Variants in CELF4 observed in about 807,000 individuals in gnomAD.
CELF4 encodes the protein CUGBP Elav-like family member 4.
Under a neutral mutation model 59.9 loss-of-function variants are expected in CELF4, and 18 were observed. The observed-to-expected ratio is 0.30, with a 90% CI of 0.21 to 0.45. The LOEUF (loss-of-function observed/expected upper bound fraction) is 0.45, where lower values mean the gene tolerates loss of function less well. Ranked by LOEUF, CELF4 falls within the 20% of genes least tolerant of loss-of-function variation. The pLI, the probability that CELF4 is intolerant of heterozygous loss-of-function variation, is 1.00. For missense variants in CELF4, 456 were observed against 689.0 expected (o/e 0.66, Z 3.79); for synonymous variants, 261 against 267.1 (o/e 0.98, Z 0.22).
intron 3 of CELF4, among the ~76,000 whole-genome samples, chr18:37,315,366 C>G (rs1296152487): frequency 6.6e-6 from 1 of 152,070 alleles, no homozygotes; most frequent in African/African-American, 2.4e-5. Flanking sequence ...CCTCAAGTCC[C>G]CTCTTTCCCA....
At chr18:37,535,576 G>T (rs1474582695) in intron 1 of CELF4, among the ~76,000 whole-genome samples, 2 of 152,146 alleles carry the variant, frequency 1.3e-5, no homozygotes, top group Non-Finnish European at 2.9e-5. Flanking sequence ...CATGGTACAC[G>T]CTCCCCTGTG....
chr18:37,424,208 G>C (rs917237705), intron 2 of CELF4, among the ~76,000 whole-genome samples: 1 of 152,180 alleles, frequency 6.6e-6, no homozygotes, highest in African/African-American at 2.4e-5. Flanking sequence ...AGGAACGAGA[G>C]GCTCTTGACT....
At chr18:37,495,102 C>A (rs1474440095) in intron 1 of CELF4, among the ~76,000 whole-genome samples, 1 of 152,202 alleles carries the variant, frequency 6.6e-6, no homozygotes, top group Non-Finnish European at 1.5e-5. Flanking sequence ...AAATTCTTTG[C>A]TAGAACCTAG....
At chr18:37,423,833 A>T (rs1203288759) in intron 2 of CELF4, among the ~76,000 whole-genome samples, 1 of 152,022 alleles carries the variant, frequency 6.6e-6, no homozygotes, top group Non-Finnish European at 1.5e-5. Context: ...AGAGGCTCAC[A>T]GATCTTTGAC....
At chr18:37,256,699 C>T (rs1401906460) in intron 11 of CELF4, among the ~76,000 whole-genome samples, 1 of 152,094 alleles carries the variant, frequency 6.6e-6, no homozygotes, top group African/African-American at 2.4e-5. Context: ...GTTCTCCTGC[C>T]TCTACCTCCT....
At chr18:37,484,272 T>C (rs2099876420) in intron 2 of CELF4, among the ~76,000 whole-genome samples, 1 of 152,270 alleles carries the variant, frequency 6.6e-6, no homozygotes, top group Non-Finnish European at 1.5e-5. Context: ...TATGGCTTTA[T>C]GCTTCACACA....
chr18:37,255,967 G>A (rs771521449), intron 11 of CELF4, among the ~76,000 whole-genome samples: 2 of 152,096 alleles, frequency 1.3e-5, no homozygotes, highest in African/African-American at 2.4e-5. Context: ...AGAGGTCCTC[G>A]GAAGCCCGAG....
intron 2 of CELF4, among the ~76,000 whole-genome samples, chr18:37,442,215 A>T (rs924677023): frequency 4.6e-5 from 7 of 152,116 alleles, no homozygotes; most frequent in African/African-American, 9.7e-5. Context: ...GGAACAAATT[A>T]AAAAAATGAC....
chr18:37,289,955 T>C (rs539613101), intron 3 of CELF4, among the ~76,000 whole-genome samples: 1 of 152,312 alleles, frequency 6.6e-6, no homozygotes, highest in East Asian at 1.9e-4. Flanking sequence ...ACATGACTGA[T>C]TTTGCCAGAA....
At chr18:37,330,951 G>A (rs2097522271) in intron 2 of CELF4, among the ~76,000 whole-genome samples, 2 of 152,196 alleles carry the variant, frequency 1.3e-5, no homozygotes. Flanking sequence ...CAGAAGAACC[G>A]GAGGTTATTG....
chr18:37,447,278 T>G (rs1387182855), intron 2 of CELF4, among the ~76,000 whole-genome samples: 2 of 152,194 alleles, frequency 1.3e-5, no homozygotes, highest in Non-Finnish European at 2.9e-5. Context: ...CCCTCTTGAT[T>G]ACAAGACTCA....
chr18:37,268,172 G>A (rs576866534), intron 8 of CELF4, among the ~76,000 whole-genome samples: 1 of 152,272 alleles, frequency 6.6e-6, no homozygotes, highest in South Asian at 2.1e-4. Context: ...CAGACCCACG[G>A]GGGCTCTGCT....
intron 11 of CELF4, chr18:37,258,941 A>C: frequency 1.8e-6 from 1 of 567,406 alleles, no homozygotes; most frequent in African/African-American, 1.9e-5. Context: ...GGGTAGGGAA[A>C]GCCAAGAAGC....
chr18:37,564,618 C>G (rs1394521390), intron 1 of CELF4, among the ~76,000 whole-genome samples: 1 of 152,066 alleles, frequency 6.6e-6, no homozygotes, highest in Admixed American at 6.5e-5. Context: ...TTTCCCAAAG[C>G]CCCGCTTTCC....
chr18:37,257,991 G>A (rs951796361), intron 11 of CELF4, among the ~76,000 whole-genome samples: 7 of 152,132 alleles, frequency 4.6e-5, no homozygotes, highest in South Asian at 2.1e-4. Flanking sequence ...ATAAAAACAC[G>A]GGATGCCAGT....
At chr18:37,445,585 A>G (rs1242093321) in intron 2 of CELF4, among the ~76,000 whole-genome samples, 2 of 151,700 alleles carry the variant, frequency 1.3e-5, no homozygotes, top group African/African-American at 2.4e-5. Flanking sequence ...AGGAGGGGGG[A>G]GCAGGGAGAG....
chr18:37,302,834 C>G (rs969106683), intron 3 of CELF4, among the ~76,000 whole-genome samples: 6 of 152,132 alleles, frequency 3.9e-5, no homozygotes, highest in Admixed American at 3.9e-4. Context: ...TGCAACAGCT[C>G]CCTCCAACAG....
intron 2 of CELF4, among the ~76,000 whole-genome samples, chr18:37,448,328 A>G: frequency 6.6e-6 from 1 of 152,166 alleles, no homozygotes; most frequent in Non-Finnish European, 1.5e-5. Context: ...CAGAGGACAG[A>G]GGAAGTCCTT....
In CELF4 at chr18:37,246,549, T is replaced by A. The variant is rs1443858419; in HGVS notation, c.*45-1352A>T. Among the ~76,000 whole-genome samples the A allele has an allele frequency of 6.6e-6, 1 of 152,180 alleles. No homozygotes were observed. The highest frequency in any genetic ancestry group is 1.5e-5 in the Non-Finnish European group (1 of 68,034). ...CTAGTTTTTTGGTTTAGAATTTTTTTATCATTCTGTTACTGTAGATATTTT... is the reference window on the plus strand; with the variant it reads ...CTAGTTTTTTGGTTTAGAATTTTTTAATCATTCTGTTACTGTAGATATTTT... On this transcript the variant is annotated intron_variant, in intron 12 of 12. Transcript: ENST00000420428. This position sits in a 1 kb window ranked among gnomAD's most constrained non-coding sequence, Gnocchi z 5.3.
Sources: gnomAD v4.1 joint callset for allele counts (sites outside exome capture counted in the v4.1 genomes callset) on GRCh38, gnomAD v4.1.1 for gene constraint, Gnocchi (gnomAD v3.1) non-coding constraint, MANE v1.5 for transcripts, NCBI Gene and HGNC (gene_info 2026-07-23, HGNC 2026-07-21) for gene names.